VAT1L: variants seen among roughly 807,000 people sequenced by gnomAD.
VAT1L encodes putative NADPH-dependent quinone oxidoreductase VAT1L.
VAT1L carries 34 observed loss-of-function variants against 44.1 expected under a neutral mutation model. That is an observed-to-expected ratio of 0.77 (90% CI 0.59 to 1.03). The LOEUF is 1.03. Ranked by LOEUF, VAT1L falls within the 50% of genes least tolerant of loss-of-function variation. The pLI is 0.00. For synonymous variants in VAT1L, 253 were observed against 202.2 expected (o/e 1.25, Z -2.13); for missense variants, 615 against 538.8 (o/e 1.14, Z -1.40).
chr16:77,938,863 CTTTATA>C (rs2017838425), intron 7 of VAT1L, among the ~76,000 whole-genome samples: 1 of 151,950 alleles, frequency 6.6e-6, no homozygotes, highest in African/African-American at 2.4e-5. Context: ...TCATTTTTTA[CTTTATA>C]TTAAAAGATC....
chr16:77,853,422 A>C (rs1227049684), intron 3 of VAT1L, among the ~76,000 whole-genome samples: 1 of 152,238 alleles, frequency 6.6e-6, no homozygotes, highest in African/African-American at 2.4e-5. Context: ...TCAGCACATT[A>C]GAATTCTCCA....
chr16:77,970,460 G>A (rs1232337746), intron 7 of VAT1L, among the ~76,000 whole-genome samples: 1 of 152,132 alleles, frequency 6.6e-6, no homozygotes, highest in Non-Finnish European at 1.5e-5. Flanking sequence ...TTTTAAATAT[G>A]CATGTCAGTT....
chr16:77,802,984 C>T (rs1182689464), intron 1 of VAT1L, among the ~76,000 whole-genome samples: 3 of 152,146 alleles, frequency 2.0e-5, no homozygotes, highest in Non-Finnish European at 4.4e-5. Context: ...TGATTTCTTT[C>T]GTGAGAAGAA....
chr16:77,879,130 C>T lies in VAT1L; in HGVS notation c.827-39C>T. ...ATGCATAACAAGAGATGTCCATTTT[C>T]ATTAGCAATTGCTTAATGTGGGAAT... On this transcript the variant is annotated intron_variant, in intron 5 of 8. Transcript: ENST00000302536. This position sits in a 1 kb window ranked among gnomAD's most constrained non-coding sequence, Gnocchi z 4.1. 1.9e-6 allele frequency: 3 copies of T among 1,601,234 alleles called. No individual in the cohort carries two copies. The highest frequency in any genetic ancestry group is 2.6e-6 in the Non-Finnish European group (3 of 1,168,470).
At chr16:77,948,207 C>CCTCTT (rs2017994513) in intron 7 of VAT1L, among the ~76,000 whole-genome samples, 1 of 152,196 alleles carries the variant, frequency 6.6e-6, no homozygotes, top group Non-Finnish European at 1.5e-5. Context: ...GGCCACCTTC[C>CCTCTT]CTCTTCTCCT....
chr16:77,884,642 T>C lies in VAT1L; in HGVS notation c.917T>C (p.Leu306Pro). 4 of 1,613,652 alleles carry C rather than the reference T, an allele frequency of 2.5e-6. No homozygotes were observed. The highest frequency in any genetic ancestry group is 3.4e-6 in the Non-Finnish European group (4 of 1,179,898). ...WQVEKVNPIKLYEENKVIAGF... is the reference protein window; with the variant it reads ...WQVEKVNPIKPYEENKVIAGF... ...GTGGAGAAGGTGAACCCCATCAAGC[T>C]GTATGAGGAGAACAAAGTCATCGCG... Residue 306 changes from leucine (L) to proline (P), a missense_variant, in exon 7 of 9, where the codon CTG becomes CCG. Physicochemically the swap from Leu to Pro is moderately conservative, Grantham distance 98 (BLOSUM62 -3). Transcript: ENST00000302536. The surrounding 1 kb of genome is among the most constrained non-coding windows in gnomAD (Gnocchi z 4.5).
intron 7 of VAT1L, among the ~76,000 whole-genome samples, chr16:77,950,226 T>TG (rs1273780699): frequency 6.6e-6 from 1 of 152,082 alleles, no homozygotes; most frequent in Non-Finnish European, 1.5e-5. Context: ...CTGGCCAACA[T>TG]GGGGAAACCC....
At chr16:77,816,824 G>A (rs2016363557) in intron 1 of VAT1L, 97 bp from the exon 2 acceptor site, 2 of 1,406,680 alleles carry the variant, frequency 1.4e-6, no homozygotes, top group African/African-American at 1.5e-5. Flanking sequence ...AGGGAGGGAG[G>A]AAAGGAGGAA....
At chr16:77,796,417 T>G (rs2015934815) in intron 1 of VAT1L, among the ~76,000 whole-genome samples, 2 of 152,190 alleles carry the variant, frequency 1.3e-5, no homozygotes, top group Non-Finnish European at 2.9e-5. Flanking sequence ...ACTGAAATTA[T>G]CATCCATGTT....
intron 7 of VAT1L, among the ~76,000 whole-genome samples, chr16:77,914,363 C>G (rs144943946): frequency 6.6e-6 from 1 of 152,296 alleles, no homozygotes; most frequent in East Asian, 1.9e-4. Flanking sequence ...TATAAAATAG[C>G]ATTACCATGC....
chr16:77,843,323 G>C (rs943959315), intron 3 of VAT1L, among the ~76,000 whole-genome samples: 1 of 151,410 alleles, frequency 6.6e-6, no homozygotes, highest in Non-Finnish European at 1.5e-5. Flanking sequence ...GGGCTGGCAG[G>C]GTGGTAAGGA....
In VAT1L at chr16:77,881,429, T is replaced by C. The variant is rs141472478; in HGVS notation, c.882+2205T>C. Among the ~76,000 whole-genome samples the C allele has an allele frequency of 6.0e-3, 920 of 152,326 alleles. 3 individuals carry two copies. The highest frequency in any genetic ancestry group is 0.011 in the Admixed American group (174 of 15,302). On this transcript the variant is annotated intron_variant, in intron 6 of 8. Coordinates refer to ENST00000302536, the MANE Select transcript of VAT1L (RefSeq NM_020927.3). ...TAATTAACATGATTATAAATGGCTA[T>C]TAAACCTCTGAAGAGGATAAAAATC...
chr16:77,903,685 T>G (rs1011897195), intron 7 of VAT1L, among the ~76,000 whole-genome samples: 1 of 152,150 alleles, frequency 6.6e-6, no homozygotes, highest in Non-Finnish European at 1.5e-5. Context: ...TGCCACGTGA[T>G]TTTAAAATTA....
At chr16:77,839,159 A>C (rs1227969381) in intron 3 of VAT1L, among the ~76,000 whole-genome samples, 2 of 152,124 alleles carry the variant, frequency 1.3e-5, no homozygotes, top group African/African-American at 4.8e-5. Flanking sequence ...TCAGGGACTA[A>C]ACTGAGGACT....
At chr16:77,854,281 G>C (rs1216046334) in intron 3 of VAT1L, among the ~76,000 whole-genome samples, 4 of 152,116 alleles carry the variant, frequency 2.6e-5, no homozygotes, top group Non-Finnish European at 4.4e-5. Context: ...GTGTCACAGC[G>C]CATATCACGT....
intron 7 of VAT1L, among the ~76,000 whole-genome samples, chr16:77,899,986 C>T (rs909972643): frequency 1.3e-5 from 2 of 152,190 alleles, no homozygotes; most frequent in Non-Finnish European, 2.9e-5. Context: ...ATGTTTACTT[C>T]CCAAGCTACA....
intron 3 of VAT1L, among the ~76,000 whole-genome samples, chr16:77,838,116 T>C (rs1195252290): frequency 6.6e-6 from 1 of 152,124 alleles, no homozygotes; most frequent in Non-Finnish European, 1.5e-5. Context: ...ACATATGAAA[T>C]AATTAGACTT....
At chr16:77,892,168 T>C (rs1278193327) in intron 7 of VAT1L, among the ~76,000 whole-genome samples, 1 of 152,036 alleles carries the variant, frequency 6.6e-6, no homozygotes, top group Non-Finnish European at 1.5e-5. Flanking sequence ...CTGAAGAAAC[T>C]TCAACTCTAG....
At chr16:77,796,078 G>A (rs1027144835) in intron 1 of VAT1L, among the ~76,000 whole-genome samples, 4 of 151,958 alleles carry the variant, frequency 2.6e-5, no homozygotes, top group Non-Finnish European at 4.4e-5. Flanking sequence ...TGCCCGCCTC[G>A]GCCTCCCAAA....
Sources: gnomAD v4.1 joint callset for allele counts (sites outside exome capture counted in the v4.1 genomes callset) on GRCh38, gnomAD v4.1.1 for gene constraint, Gnocchi (gnomAD v3.1) non-coding constraint, MANE v1.5 for transcripts, NCBI Gene and HGNC (gene_info 2026-07-23, HGNC 2026-07-21) for gene names.